FKBP4: variants seen among roughly 807,000 people sequenced by gnomAD.
FKBP4 encodes the protein peptidyl-prolyl cis-trans isomerase FKBP4.
In FKBP4, 28 loss-of-function variants were observed where a neutral mutation model predicts 54.1. The ratio of observed to expected loss-of-function variants is 0.52; its 90% CI spans 0.38 to 0.71. The LOEUF (loss-of-function observed/expected upper bound fraction) is 0.71. FKBP4 is among the 30% of genes least tolerant of loss of function. FKBP4 has a pLI of 0.00. For missense variants in FKBP4, 493 were observed against 574.4 expected (o/e 0.86, Z 1.45); for synonymous variants, 223 against 216.1 (o/e 1.03, Z -0.28).
intron 1 of FKBP4, chr12:2,796,909 G>C (rs2097902167): frequency 7.4e-7 from 1 of 1,347,586 alleles, no homozygotes; most frequent in Non-Finnish European, 9.5e-7. Context: ...AGATCTCTCA[G>C]CCTTTTGTCT....
chr12:2,799,482 CCT>C (rs1259763299), intron 5 of FKBP4, among the ~76,000 whole-genome samples: 1 of 152,186 alleles, frequency 6.6e-6, no homozygotes, highest in Non-Finnish European at 1.5e-5. Context: ...TCAAGATTTT[CCT>C]CTCCCATTAA....
In FKBP4 at chr12:2,794,988, C is replaced by G. The variant is rs1325634375; in HGVS notation, c.-152C>G. On this transcript the variant is annotated 5_prime_UTR_variant, in exon 1 of 10. Coordinates refer to ENST00000001008, the MANE Select transcript of FKBP4 (RefSeq NM_002014.4). ...TGACCCACCTACCCCAGCTCTCGCG[C>G]CGCGTGCAGAGGTGCTCAAGCCTCC... is the stretch of plus-strand genomic sequence containing the variant. 1 of 350,612 alleles carries G rather than the reference C, an allele frequency of 2.9e-6. No homozygotes were observed. The highest frequency in any genetic ancestry group is 4.9e-5 in the Admixed American group (1 of 20,248). The allele number at this position is 350,612 out of a possible 1,614,324, so 21.7% of individuals were successfully genotyped here. A position where few individuals can be genotyped will look rare whatever the true frequency, so the allele number is the denominator to read the frequency against.
Position 2,799,230 on chromosome 12 carries a change from G to A in FKBP4, c.657G>A (p.Val219=), listed in dbSNP as rs755711294. The change falls in exon 5 of 10, where the codon GTG becomes GTA. Residue 219 remains valine (V), a synonymous_variant. Transcript: ENST00000001008. The part of the protein sequence containing the change: ...QRMEKGEHSI[V]YLKPSYAFGS... ...TGGAGAAAGGAGAACATTCCATCGT[G>A]TACCTCAAGCCCAGGTGAGGGGTGG... 6.6e-7 allele frequency: 1 copy of A among 1,525,446 alleles called. No homozygotes were observed. The allele number at this position is 1,525,446 out of a possible 1,614,324, so 94.5% of individuals were successfully genotyped here.
chr12:2,800,543 A>G lies in FKBP4; in HGVS notation c.998A>G (p.Gln333Arg). The G allele has an allele frequency of 1.2e-6, 2 of 1,613,400 alleles. No homozygotes were observed. The highest frequency in any genetic ancestry group is 2.2e-5 in the East Asian group (1 of 44,882). ...LNLAMCHLKL[Q>R]AFSAAIESCN... Reference sequence around the variant, plus strand: ...CTGGCCATGTGTCATCTGAAACTACAGGCCTTCTCTGCTGCCATTGAAAGC... The same window carrying G: ...CTGGCCATGTGTCATCTGAAACTACGGGCCTTCTCTGCTGCCATTGAAAGC... The change falls in exon 8 of 10, where the codon CAG becomes CGG. Residue 333 changes from glutamine (Q) to arginine (R), a missense_variant. Transcript: ENST00000001008.
rs922512449 is a variant in FKBP4, at chr12:2,800,629, G to A, written c.1032+52G>A. Reference sequence around the variant, plus strand: ...GCAGCATTCACAGGCAGAGTTGGGTGAGCTGCCAGCATGTCTGAAACTTCC... The same window carrying A: ...GCAGCATTCACAGGCAGAGTTGGGTAAGCTGCCAGCATGTCTGAAACTTCC... On this transcript the variant is annotated intron_variant, in intron 8 of 9. Coordinates refer to ENST00000001008, the MANE Select transcript of FKBP4 (RefSeq NM_002014.4). 7 of 1,514,486 alleles carry A rather than the reference G, an allele frequency of 4.6e-6. No individual in the cohort carries two copies. The African/African-American group carries it at 9.7e-5, about 21-fold the overall frequency. 93.8% of individuals were successfully genotyped at this position (1,514,486 alleles called of 1,614,324 possible). A position where few individuals can be genotyped will look rare whatever the true frequency, so the allele number is the denominator to read the frequency against.
chr12:2,796,252 G>A (rs1255535921), intron 1 of FKBP4: 32 of 1,289,132 alleles, frequency 2.5e-5, no homozygotes, highest in Non-Finnish European at 2.9e-5. Flanking sequence ...AAGTGCATCT[G>A]TCTTTGCACC....
At chr12:2,799,378 A>G (rs2097903562) in intron 5 of FKBP4, 134 bp downstream of exon 5, 8 of 960,736 alleles carry the variant, frequency 8.3e-6, no homozygotes, top group Middle Eastern at 2.3e-4. Context: ...TGATATCCTC[A>G]GTGTACTTAG....
In FKBP4 at chr12:2,801,146, G is replaced by A; in HGVS notation, c.1062G>A (p.Lys354=). The part of the protein sequence containing the change: ...KALELDSNNE[K]GLFRRGEAHL... ...TAGAACTGGACAGCAACAACGAGAA[G>A]GGCCTCTTCCGCCGGGGAGAGGCCC... Residue 354 remains lysine, a synonymous_variant, in exon 9 of 10, where the codon AAG becomes AAA. Coordinates refer to ENST00000001008, the MANE Select transcript of FKBP4 (RefSeq NM_002014.4). 2 of 1,613,888 alleles carry A rather than the reference G, an allele frequency of 1.2e-6. No homozygotes were observed. Among genetic ancestry groups the A allele is most frequent in the Non-Finnish European group, 1.7e-6 (2 of 1,179,904 alleles).
intron 2 of FKBP4, among the ~76,000 whole-genome samples, chr12:2,797,487 C>T (rs760345417): frequency 6.6e-6 from 1 of 151,946 alleles, no homozygotes; most frequent in African/African-American, 2.4e-5. Context: ...CTCCCAACAC[C>T]TTACTCCCCC....
rs2097902373 is a variant in FKBP4, at chr12:2,797,265, C to T, written c.233C>T (p.Ser78Phe). The change falls in exon 2 of 10, where the codon TCC (serine) becomes TTC (phenylalanine). Residue 78 changes from serine to phenylalanine, a missense_variant. By Grantham distance (155) the Ser-to-Phe change is radical. Transcript: ENST00000001008. ...DSSLDRKDKF[S>F]FDLGKGEVIK... ...AGTCTGGATCGCAAGGACAAATTCTCCTTTGACCTGGGAAAAGGTAGGCGT... is the reference window on the plus strand; with the variant it reads ...AGTCTGGATCGCAAGGACAAATTCTTCTTTGACCTGGGAAAAGGTAGGCGT... 5 of 1,613,930 alleles carry T rather than the reference C, an allele frequency of 3.1e-6. No homozygotes were observed. Among genetic ancestry groups the T allele is most frequent in the Non-Finnish European group, 4.2e-6 (5 of 1,179,876 alleles).
intron 6 of FKBP4, 43 bp downstream of exon 6, chr12:2,799,983 C>T (rs1408613052): frequency 1.9e-6 from 3 of 1,611,892 alleles, no homozygotes; most frequent in Admixed American, 3.3e-5. Flanking sequence ...CAAGTTCCAC[C>T]CTGTACGTGA....
At chr12:2,797,600 C>T in intron 2 of FKBP4, 129 bp from the exon 3 acceptor site, 1 of 1,147,364 alleles carries the variant, frequency 8.7e-7, no homozygotes, top group Non-Finnish European at 1.2e-6. Flanking sequence ...AGGTACCTCA[C>T]CTTCTGGTCC....
chr12:2,803,421 G>A lies in FKBP4; in HGVS notation c.*163G>A. 1 of 587,870 alleles carries A rather than the reference G, an allele frequency of 1.7e-6. No homozygotes were observed. Among genetic ancestry groups the A allele is most frequent in the Non-Finnish European group, 3.0e-6 (1 of 328,940 alleles). The allele number at this position is 587,870 out of a possible 1,614,324, so 36.4% of individuals were successfully genotyped here. A position where few individuals can be genotyped will look rare whatever the true frequency, so the allele number is the denominator to read the frequency against. ...GGAAGGGGGAAAGGTGTAGGCTGGG[G>A]GATTGAGGTGGGGAATCATTTTAGC... is the stretch of plus-strand genomic sequence containing the variant. On this transcript the variant is annotated 3_prime_UTR_variant, in exon 10 of 10. Transcript: ENST00000001008.
chr12:2,801,131 C>T lies in FKBP4; in HGVS notation c.1047C>T (p.Asp349=), dbSNP rs756343629. 2.5e-6 allele frequency: 4 copies of T among 1,613,792 alleles called. No homozygotes were observed. In the Admixed American group the frequency reaches 5.0e-5, roughly 20 times the overall value. The change falls in exon 9 of 10, where the codon GAC becomes GAT. Residue 349 remains aspartate, a synonymous_variant. Transcript: ENST00000001008. ...IESCNKALEL[D]SNNEKGLFRR... ...GCATTCTTTAGGCCCTAGAACTGGA[C>T]AGCAACAACGAGAAGGGCCTCTTCC...
At position 2,800,086 on chromosome 12, in the gene FKBP4, C is replaced by T; in HGVS notation, c.810C>T (p.Ser270=). 6.2e-7 allele frequency: 1 copy of T among 1,613,916 alleles called. No individual in the cohort carries two copies. The highest frequency in any genetic ancestry group is 1.1e-5 in the South Asian group (1 of 91,066). ...ATTCAGAAGAGAAGCTGGAACAGAG[C>T]ACCATAGTGAAAGAGCGGGGCACTG... ...EMNSEEKLEQ[S]TIVKERGTVY... Residue 270 remains serine (S), a synonymous_variant, in exon 7 of 10, where the codon AGC becomes AGT. Transcript: ENST00000001008.
chr12:2,803,125 C>A (rs978979788), intron 9 of FKBP4, 26 bp from the exon 10 acceptor site: 12 of 1,520,726 alleles, frequency 7.9e-6, no homozygotes, highest in Non-Finnish European at 1.1e-5. Context: ...GGAAGTCAGC[C>A]CGTTTGCTGT....
At chr12:2,797,372 G>A (rs180866930) in intron 2 of FKBP4, 90 bp downstream of exon 2, 2 of 1,481,956 alleles carry the variant, frequency 1.3e-6, no homozygotes, top group East Asian at 2.3e-5. Context: ...CAAGCTCAGG[G>A]AGGAATGGTT....
chr12:2,797,945 C>T, intron 3 of FKBP4, 74 bp downstream of exon 3: 1 of 1,527,956 alleles, frequency 6.5e-7, no homozygotes, highest in Admixed American at 1.8e-5. Flanking sequence ...TGCCCTCCAG[C>T]CCTTCCTGCT....
rs2097903293 is a variant in FKBP4, at chr12:2,798,872, G to C, written c.514+46G>C. 1.3e-6 allele frequency: 2 copies of C among 1,596,846 alleles called. No homozygotes were observed. The highest frequency in any genetic ancestry group is 1.7e-6 in the Non-Finnish European group (2 of 1,165,290). ...CTTTCAATTCTCATTCTGATATTTA[G>C]GCCTTGTGTGGCTTTGGGCAAGACA... is the stretch of plus-strand genomic sequence containing the variant. On this transcript the variant is annotated intron_variant, in intron 4 of 9. Transcript: ENST00000001008. This position sits in a 1 kb window ranked among gnomAD's most constrained non-coding sequence, Gnocchi z 4.3.
Sources: gnomAD v4.1 joint callset for allele counts (sites outside exome capture counted in the v4.1 genomes callset) on GRCh38, gnomAD v4.1.1 for gene constraint, Gnocchi (gnomAD v3.1) non-coding constraint, MANE v1.5 for transcripts, NCBI Gene and HGNC (gene_info 2026-07-23, HGNC 2026-07-21) for gene names.